Variants in PCDH9 observed in about 807,000 individuals in gnomAD.
The protein encoded by PCDH9 is protocadherin 9.
Under a neutral mutation model 70.6 loss-of-function variants are expected in PCDH9, and 24 were observed. The observed-to-expected ratio is 0.34, with a 90% CI of 0.25 to 0.48. PCDH9 has a LOEUF of 0.48. Among genes scored for constraint, PCDH9 ranks in the 20% least tolerant of loss-of-function variants. PCDH9 has a pLI of 0.99. For synonymous variants in PCDH9, 562 were observed against 558.5 expected (o/e 1.01, Z -0.09); for missense variants, 1,281 against 1,503.6 (o/e 0.85, Z 2.45).
At chr13:66,516,357 G>A (rs1959735201) in intron 4 of PCDH9, among the ~76,000 whole-genome samples, 1 of 151,842 alleles carries the variant, frequency 6.6e-6, no homozygotes, top group African/African-American at 2.4e-5. Context: ...AATCCTAGAA[G>A]CTTGGCCTTC....
Position 66,459,142 on chromosome 13 carries a change from C to T in PCDH9, c.3341-154114G>A, listed in dbSNP as rs1461474355. Among the ~76,000 whole-genome samples, 9 of 152,030 alleles carry T rather than the reference C, an allele frequency of 5.9e-5. No individual in the cohort carries two copies. In the South Asian group the frequency reaches 1.7e-3, roughly 28 times the overall value. ...CTACAGGGAAAAATACTTCCAGGGT[C>T]CTGATGTTTCAGGTGTAAGATATTA... On this transcript the variant is annotated intron_variant, in intron 4 of 4. Transcript: ENST00000377865.
chr13:67,007,633 A>G (rs2084377868), intron 2 of PCDH9, among the ~76,000 whole-genome samples: 1 of 152,206 alleles, frequency 6.6e-6, no homozygotes, highest in African/African-American at 2.4e-5. Flanking sequence ...ACCATATTGT[A>G]TATTCAGGCC....
chr13:66,490,522 G>A (rs907410712), intron 4 of PCDH9, among the ~76,000 whole-genome samples: 2 of 151,632 alleles, frequency 1.3e-5, no homozygotes, highest in African/African-American at 2.4e-5. Flanking sequence ...TTCAGCACAA[G>A]GTTTATTTAT....
intron 4 of PCDH9, among the ~76,000 whole-genome samples, chr13:66,348,179 T>C (rs773025482): frequency 2.6e-5 from 4 of 152,148 alleles, no homozygotes; most frequent in Non-Finnish European, 5.9e-5. Flanking sequence ...TGTTTTACCC[T>C]CTTTTCTGTC....
At chr13:67,067,703 A>G (rs1380159810) in intron 2 of PCDH9, among the ~76,000 whole-genome samples, 1 of 149,344 alleles carries the variant, frequency 6.7e-6, no homozygotes, top group African/African-American at 2.5e-5. Flanking sequence ...GACAGCGGCG[A>G]AGTGGTCTTC....
intron 4 of PCDH9, among the ~76,000 whole-genome samples, chr13:66,328,857 A>C (rs534024307): frequency 3.7e-4 from 57 of 152,288 alleles, no homozygotes; most frequent in African/African-American, 1.3e-3. Context: ...TGTCCCTAAG[A>C]GCTGAACATT....
rs148228084 is a variant in PCDH9 at position 66,429,951 on chromosome 13, G to A, written c.3341-124923C>T. ...ATCGATCTTCCTCTTTACCCATAAG[G>A]TATGTATATCAGGGAGTCAGTTTCT... On this transcript the variant is annotated intron_variant, in intron 4 of 4. Coordinates refer to ENST00000377865, the MANE Select transcript of PCDH9 (RefSeq NM_203487.3). Among the ~76,000 whole-genome samples the A allele has an allele frequency of 2.8e-3, 431 of 152,070 alleles. 3 individuals carry two copies. Among genetic ancestry groups the A allele is most frequent in the African/African-American group, 9.8e-3 (408 of 41,494 alleles).
intron 3 of PCDH9, among the ~76,000 whole-genome samples, chr13:66,677,688 C>T (rs972459920): frequency 6.6e-6 from 1 of 152,050 alleles, no homozygotes; most frequent in Non-Finnish European, 1.5e-5. Flanking sequence ...GCCTCTTCTC[C>T]CCTCACCTTC....
chr13:66,952,697 G>T (rs1300117846), intron 2 of PCDH9, among the ~76,000 whole-genome samples: 1 of 152,042 alleles, frequency 6.6e-6, no homozygotes, highest in African/African-American at 2.4e-5. Flanking sequence ...CCCACCTGTG[G>T]CCACCAGGGC....
intron 4 of PCDH9, among the ~76,000 whole-genome samples, chr13:66,562,200 GA>G (rs556417790): frequency 1.5e-4 from 22 of 148,214 alleles, no homozygotes; most frequent in African/African-American, 4.0e-4. Flanking sequence ...TATTTAAAAG[GA>G]AAAAAAAAAT....
rs910650981 is a variant in PCDH9 at position 66,303,662 on chromosome 13, A to T, written c.*993T>A. Reference sequence around the variant, plus strand: ...TTGATACATTAGTTTTACATGAGTGACAAGTACAGGATATTATATCACTTT... The same window carrying T: ...TTGATACATTAGTTTTACATGAGTGTCAAGTACAGGATATTATATCACTTT... On this transcript the variant is annotated 3_prime_UTR_variant, in exon 5 of 5. Transcript: ENST00000377865. 2.0e-5 allele frequency: 3 copies of T among 152,504 alleles called. No individual in the cohort carries two copies. The highest frequency in any genetic ancestry group is 6.6e-5 in the Admixed American group (1 of 15,230). The allele number at this position is 152,504 out of a possible 1,614,324, so 9.4% of individuals were successfully genotyped here.
At chr13:67,083,760 A>C (rs2086036030) in intron 2 of PCDH9, among the ~76,000 whole-genome samples, 1 of 152,182 alleles carries the variant, frequency 6.6e-6, no homozygotes, top group South Asian at 2.1e-4. Flanking sequence ...GCTGTTCTAG[A>C]AACTGCCTTT....
intron 4 of PCDH9, among the ~76,000 whole-genome samples, chr13:66,524,478 CT>C (rs1316783338): frequency 5.3e-5 from 8 of 152,000 alleles, no homozygotes; most frequent in Admixed American, 3.9e-4. Flanking sequence ...GTCCTTTCTG[CT>C]GAAGAAATCC....
chr13:67,226,181 T>C lies in PCDH9; in HGVS notation c.2260A>G (p.Asn754Asp). ...TTAGGGTACCCCAGGTCACTTATGTTGACCACCAAACGATGCAATCCCACA... is the reference window on the plus strand; with the variant it reads ...TTAGGGTACCCCAGGTCACTTATGTCGACCACCAAACGATGCAATCCCACA... ...TDVGLHRLVV[N>D]ISDLGYPKSL... is the part of the protein sequence containing the mutation. The change falls in exon 2 of 5, where the codon AAC becomes GAC. Residue 754 changes from asparagine (N) to aspartate (D), a missense_variant. By Grantham distance (23) the Asn-to-Asp change is conservative. Transcript: ENST00000377865. This position sits in a 1 kb window ranked among gnomAD's most constrained non-coding sequence, Gnocchi z 5.0. 6.2e-7 allele frequency: 1 copy of C among 1,614,192 alleles called. No homozygotes were observed.
At chr13:66,777,384 G>C (rs1290339254) in intron 3 of PCDH9, among the ~76,000 whole-genome samples, 1 of 151,198 alleles carries the variant, frequency 6.6e-6, no homozygotes, top group Admixed American at 6.6e-5. Flanking sequence ...CTACTCATCT[G>C]ACAAAGGGCT....
At chr13:67,018,305 A>C (rs1289337611) in intron 2 of PCDH9, among the ~76,000 whole-genome samples, 1 of 152,126 alleles carries the variant, frequency 6.6e-6, no homozygotes, top group Non-Finnish European at 1.5e-5. Flanking sequence ...TTTCAAAAGA[A>C]ACATAAATAA....
At chr13:67,100,758 T>G (rs1243350522) in intron 2 of PCDH9, among the ~76,000 whole-genome samples, 1 of 152,228 alleles carries the variant, frequency 6.6e-6, no homozygotes, top group Non-Finnish European at 1.5e-5. Context: ...TTTCATTCCT[T>G]GGTTGCTTGC....
chr13:66,536,188 A>G (rs1960694530), intron 4 of PCDH9, among the ~76,000 whole-genome samples: 1 of 152,040 alleles, frequency 6.6e-6, no homozygotes, highest in South Asian at 2.1e-4. Flanking sequence ...CTTCTATATT[A>G]TAAATAATAT....
chr13:66,922,491 G>C (rs935132193), intron 2 of PCDH9, among the ~76,000 whole-genome samples: 1 of 151,302 alleles, frequency 6.6e-6, no homozygotes, highest in Non-Finnish European at 1.5e-5. Context: ...TAATTTTCAC[G>C]ATTCTACAAA....
Sources: gnomAD v4.1 joint callset for allele counts (sites outside exome capture counted in the v4.1 genomes callset) on GRCh38, gnomAD v4.1.1 for gene constraint, Gnocchi (gnomAD v3.1) non-coding constraint, MANE v1.5 for transcripts, NCBI Gene and HGNC (gene_info 2026-07-23, HGNC 2026-07-21) for gene names.